WWTR1: variants seen among roughly 807,000 people sequenced by gnomAD.
The protein encoded by WWTR1 is WW domain containing transcription regulator 1, also known as WW domain-containing transcription regulator protein 1.
Under a neutral mutation model 40.1 loss-of-function variants are expected in WWTR1, and 13 were observed. The observed-to-expected ratio is 0.32, with a 90% CI of 0.21 to 0.52. The LOEUF is 0.52. WWTR1 is among the 20% of genes least tolerant of loss of function. The pLI is 0.97. For synonymous variants in WWTR1, 230 were observed against 210.1 expected, an observed-to-expected ratio of 1.09 and a Z score of -0.82; for missense variants, 436 against 523.1, an observed-to-expected ratio of 0.83 and a Z score of 1.63.
chr3:149,571,501 T>C (rs1429636877), intron 3 of WWTR1, among the ~76,000 whole-genome samples: 2 of 152,186 alleles, frequency 1.3e-5, no homozygotes, highest in East Asian at 3.9e-4. Flanking sequence ...TGCATTTTCT[T>C]TGATCTGCCC....
intron 4 of WWTR1, among the ~76,000 whole-genome samples, chr3:149,538,021 GA>G (rs1484167762): frequency 6.6e-6 from 1 of 151,814 alleles, no homozygotes; most frequent in Non-Finnish European, 1.5e-5. Context: ...CCAGGTCCAA[GA>G]GATTCTCCTG....
At chr3:149,626,433 C>A (rs892187289) in intron 2 of WWTR1, among the ~76,000 whole-genome samples, 1 of 151,412 alleles carries the variant, frequency 6.6e-6, no homozygotes, top group Non-Finnish European at 1.5e-5. Context: ...TATATAAAAC[C>A]AAGCTAATAA....
chr3:149,589,646 G>GTTTTTTTTTTT (rs11388564), intron 2 of WWTR1, among the ~76,000 whole-genome samples: 1 of 145,174 alleles, frequency 6.9e-6, no homozygotes, highest in Non-Finnish European at 1.5e-5. Context: ...CTTTCCATGA[G>GTTTTTTTTTTT]TTTTTTTTTT....
upstream of WWTR1, among the ~76,000 whole-genome samples, chr3:149,707,119 G>A (rs73001926): frequency 6.5e-3 from 982 of 152,216 alleles, 12 homozygotes; most frequent in African/African-American, 0.023. Flanking sequence ...TTAAAATTGC[G>A]GGAACTCTGT....
upstream of WWTR1, among the ~76,000 whole-genome samples, chr3:149,707,537 AGGCAG>A (rs1315999377): frequency 1.3e-5 from 2 of 152,190 alleles, no homozygotes; most frequent in Non-Finnish European, 2.9e-5. Flanking sequence ...ATGAAAAAAA[AGGCAG>A]GGCAGTCACA....
intron 4 of WWTR1, among the ~76,000 whole-genome samples, chr3:149,721,015 G>T (rs760158038): frequency 2.0e-5 from 3 of 151,938 alleles, no homozygotes; most frequent in African/African-American, 4.8e-5. Flanking sequence ...TTTTGTGTGT[G>T]GAATCTTCAG....
chr3:149,635,439 T>C (rs889953254), intron 2 of WWTR1, among the ~76,000 whole-genome samples: 55 of 151,814 alleles, frequency 3.6e-4, no homozygotes, highest in African/African-American at 9.7e-5. Context: ...GCTGCTGTCA[T>C]AGAACAAAAT....
intron 1 of WWTR1, among the ~76,000 whole-genome samples, chr3:149,677,993 A>G (rs978590339): frequency 6.6e-6 from 1 of 150,988 alleles, no homozygotes; most frequent in Non-Finnish European, 1.5e-5. Context: ...CTGATCTCGA[A>G]CTCCTGATCT....
Position 149,551,477 on chromosome 3 carries a change from A to C in WWTR1, c.569-8940T>G, listed in dbSNP as rs1227834028. ...TTTAATTCAGTTTGATATTTGGGCCAGTAAGTTCATATAAACTTCATCAGA... is the reference window on the plus strand; with the variant it reads ...TTTAATTCAGTTTGATATTTGGGCCCGTAAGTTCATATAAACTTCATCAGA... On this transcript the variant is annotated intron_variant, in intron 3 of 6. Coordinates refer to ENST00000360632, the MANE Select transcript of WWTR1 (RefSeq NM_015472.6). Among the ~76,000 whole-genome samples, 6 of 146,024 alleles carry C rather than the reference A, an allele frequency of 4.1e-5. 1 individual carries two copies. The highest frequency in any genetic ancestry group is 1.0e-4 in the African/African-American group (4 of 38,536).
chr3:149,615,455 T>C (rs1739927897), intron 2 of WWTR1, among the ~76,000 whole-genome samples: 4 of 152,318 alleles, frequency 2.6e-5, no homozygotes, highest in South Asian at 4.2e-4. Context: ...ATGTGGACGA[T>C]TGCTGAAGTG....
At chr3:149,572,695 G>A (rs1737694703) in intron 3 of WWTR1, among the ~76,000 whole-genome samples, 169 bp downstream of exon 3, 1 of 151,848 alleles carries the variant, frequency 6.6e-6, no homozygotes, top group Non-Finnish European at 1.5e-5. Flanking sequence ...CAAAGCTTGG[G>A]GCTCCACCAG....
rs192918950 is a variant in WWTR1 at position 149,698,524 on chromosome 3, C to T, written c.-108+4600G>A. Among the ~76,000 whole-genome samples the T allele has an allele frequency of 5.4e-4, 82 of 152,324 alleles. 1 individual carries two copies. In the South Asian group the frequency reaches 8.3e-3, roughly 15 times the overall value. ...TGAGAACAGACTAATACAGTGGGCC[C>T]CCACCAACAGCTCCATGAGGCAGTG... is the stretch of plus-strand genomic sequence containing the variant. On this transcript the variant is annotated intron_variant, in intron 1 of 7. Coordinates refer to the WWTR1 transcript ENST00000465804.
At chr3:149,716,102 G>A (rs895093767) in intron 5 of WWTR1, among the ~76,000 whole-genome samples, 4 of 152,154 alleles carry the variant, frequency 2.6e-5, no homozygotes, top group South Asian at 2.1e-4. Flanking sequence ...ATTGTTCTGC[G>A]CCTGGCGTGG....
chr3:149,528,060 C>CA, intron 4 of WWTR1, 91 bp from the exon 5 acceptor site: 1 of 1,484,144 alleles, frequency 6.7e-7, no homozygotes, highest in Non-Finnish European at 9.1e-7. Flanking sequence ...TCACCAAATA[C>CA]AAAGCACTGT....
At chr3:149,584,011 A>G (rs1738286588) in intron 2 of WWTR1, among the ~76,000 whole-genome samples, 1 of 152,240 alleles carries the variant, frequency 6.6e-6, no homozygotes, top group South Asian at 2.1e-4. Context: ...TTAGTATTTT[A>G]GAGTAGCCAC....
intron 5 of WWTR1, among the ~76,000 whole-genome samples, chr3:149,714,829 C>A (rs1715563659): frequency 6.6e-6 from 1 of 152,200 alleles, no homozygotes; most frequent in African/African-American, 2.4e-5. Flanking sequence ...ATGGACCAAT[C>A]AGCACACACT....
chr3:149,672,789 T>A (rs1218742433), intron 1 of WWTR1, among the ~76,000 whole-genome samples: 1 of 151,100 alleles, frequency 6.6e-6, no homozygotes, highest in Non-Finnish European at 1.5e-5. Flanking sequence ...TTCCTTTTTT[T>A]TTTTTTTTTT....
At chr3:149,671,702 CTTT>C (rs1276228397) in intron 1 of WWTR1, among the ~76,000 whole-genome samples, 1 of 152,058 alleles carries the variant, frequency 6.6e-6, no homozygotes, top group African/African-American at 2.4e-5. Context: ...CAAATGAGCT[CTTT>C]TTTAACAGTC....
At chr3:149,672,618 T>A (rs1278312430) in intron 1 of WWTR1, among the ~76,000 whole-genome samples, 1 of 152,034 alleles carries the variant, frequency 6.6e-6, no homozygotes, top group East Asian at 1.9e-4. Context: ...TTATTAGAGA[T>A]ATAGTTCTTA....
Sources: gnomAD v4.1 joint callset for allele counts (sites outside exome capture counted in the v4.1 genomes callset) on GRCh38, gnomAD v4.1.1 for gene constraint, MANE v1.5 for transcripts, NCBI Gene and HGNC (gene_info 2026-07-23, HGNC 2026-07-21) for gene names.